The following SRCIN1 variants were observed in gnomAD, a reference collection of about 807,000 sequenced individuals.
SRCIN1 encodes the protein SRC kinase signaling inhibitor 1, also known as P130Cas-associated protein.
Under a neutral mutation model 116.2 loss-of-function variants are expected in SRCIN1, and 50 were observed. That is an observed-to-expected ratio of 0.43 (90% CI 0.34 to 0.54). The LOEUF is 0.54. Among genes scored for constraint, SRCIN1 ranks in the 20% least tolerant of loss-of-function variants. The pLI, the probability that SRCIN1 is intolerant of heterozygous loss-of-function variation, is 0.02. For missense variants in SRCIN1, 1,446 were observed against 1,672.0 expected, an observed-to-expected ratio of 0.86 and a Z score of 2.36; for synonymous variants, 736 against 750.0, an observed-to-expected ratio of 0.98 and a Z score of 0.30.
chr17:38,560,142 C>T (rs930798654), intron 8 of SRCIN1, 45 bp from the exon 9 acceptor site: 8 of 1,508,014 alleles, frequency 5.3e-6, no homozygotes, highest in Non-Finnish European at 7.1e-6. Flanking sequence ...AGGCCAGCCC[C>T]AGACCTTCAG....
At chr17:38,535,077 A>T (rs1174601375) in intron 18 of SRCIN1, among the ~76,000 whole-genome samples, 1 of 152,092 alleles carries the variant, frequency 6.6e-6, no homozygotes, top group African/African-American at 2.4e-5. Flanking sequence ...AGTGGCAGTG[A>T]GCCATGACTG....
chr17:38,581,887 A>G (rs554667401), intron 1 of SRCIN1, among the ~76,000 whole-genome samples: 3 of 152,146 alleles, frequency 2.0e-5, no homozygotes, highest in African/African-American at 7.2e-5. Context: ...GCCTCCCATA[A>G]CCCCTGACCT....
Position 38,563,581 on chromosome 17 carries a change from G to C in SRCIN1, c.542-60C>G, listed in dbSNP as rs1906442718. ...GCCGTCTCCACGCCGCCCTCCAGGAGAGCGCGGGGAGCTTTTCGGAGCTGC... is the reference window on the plus strand; with the variant it reads ...GCCGTCTCCACGCCGCCCTCCAGGACAGCGCGGGGAGCTTTTCGGAGCTGC... On this transcript the variant is annotated intron_variant, in intron 4 of 18. Transcript: ENST00000617146. The surrounding 1 kb of genome is among the most constrained non-coding windows in gnomAD (Gnocchi z 5.8). 6.5e-7 allele frequency: 1 copy of C among 1,534,892 alleles called. No homozygotes were observed. Among genetic ancestry groups the C allele is most frequent in the Non-Finnish European group, 8.7e-7 (1 of 1,144,262 alleles).
In SRCIN1 at chr17:38,568,080, G is replaced by A; in HGVS notation, c.345+131C>T. ...AGCAGCCACAGCCTGCAGCCCCGAG[G>A]CCCACCGCCCATACCAGAAGGTGTC... On this transcript the variant is annotated intron_variant, in intron 3 of 18. Transcript: ENST00000617146. The surrounding 1 kb of genome is among the most constrained non-coding windows in gnomAD (Gnocchi z 4.5). The A allele has an allele frequency of 1.8e-6, 2 of 1,125,338 alleles. No individual in the cohort carries two copies. Among genetic ancestry groups the A allele is most frequent in the South Asian group, 2.6e-5 (2 of 75,602 alleles). The allele number at this position is 1,125,338 out of a possible 1,614,324, so 69.7% of individuals were successfully genotyped here. A position where few individuals can be genotyped will look rare whatever the true frequency, so the allele number is the denominator to read the frequency against.
chr17:38,589,859 C>T (rs1190391231), intron 1 of SRCIN1, among the ~76,000 whole-genome samples: 1 of 152,206 alleles, frequency 6.6e-6, no homozygotes, highest in Admixed American at 6.5e-5. Flanking sequence ...TAGGGACACC[C>T]TGTTAGTATC....
At chr17:38,557,802 T>C (rs933649579) in intron 11 of SRCIN1, among the ~76,000 whole-genome samples, 2 of 152,192 alleles carry the variant, frequency 1.3e-5, no homozygotes, top group African/African-American at 2.4e-5. Context: ...CAATGATGGC[T>C]GGTCAGCGCC....
At chr17:38,553,158 A>T (rs1024658783) in intron 11 of SRCIN1, among the ~76,000 whole-genome samples, 3 of 152,302 alleles carry the variant, frequency 2.0e-5, no homozygotes, top group African/African-American at 7.2e-5. Context: ...CGGGAGGCTA[A>T]GGCAGGGGGA....
At chr17:38,551,787 A>G (rs765505159) in intron 14 of SRCIN1, 99 bp downstream of exon 14, 1 of 1,594,914 alleles carries the variant, frequency 6.3e-7, no homozygotes, top group East Asian at 2.2e-5. Context: ...CCCCAAGGAA[A>G]AAGACCCACA....
At chr17:38,578,120 G>T (rs1907527545) in intron 2 of SRCIN1, among the ~76,000 whole-genome samples, 1 of 152,144 alleles carries the variant, frequency 6.6e-6, no homozygotes, top group South Asian at 2.1e-4. Context: ...CCACAGGATG[G>T]ACTCTCAGGC....
In SRCIN1 at chr17:38,591,509, C is replaced by G. The variant is rs149744520; in HGVS notation, c.23-12718G>C. Among the ~76,000 whole-genome samples the G allele has an allele frequency of 3.3e-4, 51 of 152,330 alleles. 2 individuals carry two copies. In the East Asian group the frequency reaches 6.0e-3, roughly 18 times the overall value. On this transcript the variant is annotated intron_variant, in intron 1 of 18. Coordinates refer to ENST00000617146, the MANE Select transcript of SRCIN1 (RefSeq NM_025248.3). ...AATGGTCCAGATGAGGTATGAGCAG[C>G]ACAGGTGACTCCTCTCTGCTTCTGT...
chr17:38,566,866 T>TTTCCTTCCTTCCTTCC (rs71138633), intron 3 of SRCIN1, among the ~76,000 whole-genome samples: 18,332 of 131,794 alleles, frequency 0.14, 1,547 homozygotes, highest in Admixed American at 0.2. Flanking sequence ...TTTTGTTTCG[T>TTTCCTTCCTTCCTTCC]TTCCTTCCTT....
rs747836308 is a variant in SRCIN1 at position 38,558,335 on chromosome 17, G to A, written c.2093C>T (p.Ser698Leu). 9 of 1,609,690 alleles carry A rather than the reference G, an allele frequency of 5.6e-6. No homozygotes were observed. The highest frequency in any genetic ancestry group is 3.3e-4 in the Middle Eastern group (2 of 6,082). The part of the protein sequence containing the change: ...RTEAELSMRV[S>L]EAARRQEDPL... ...GTCCTCCTGCCGCCGCGCCGCCTCCGACACGCGCATGCTCAGCTCTGCCTC... is the reference window on the plus strand; with the variant it reads ...GTCCTCCTGCCGCCGCGCCGCCTCCAACACGCGCATGCTCAGCTCTGCCTC... The change falls in exon 11 of 19, where the codon TCG becomes TTG. Residue 698 changes from serine to leucine, a missense_variant. Ser to Leu is a moderately radical substitution (Grantham distance 145). Transcript: ENST00000617146. The surrounding 1 kb of genome is among the most constrained non-coding windows in gnomAD (Gnocchi z 4.6).
intron 1 of SRCIN1, among the ~76,000 whole-genome samples, chr17:38,589,243 G>A (rs922719643): frequency 1.3e-5 from 2 of 152,198 alleles, no homozygotes; most frequent in Non-Finnish European, 2.9e-5. Flanking sequence ...ACACCCACAC[G>A]TATTCATGAC....
In SRCIN1 at chr17:38,551,191, C is replaced by T; in HGVS notation, c.2926G>A (p.Ala976Thr). The T allele has an allele frequency of 6.3e-7, 1 of 1,590,774 alleles. No individual in the cohort carries two copies. Among genetic ancestry groups the T allele is most frequent in the Non-Finnish European group, 8.6e-7 (1 of 1,165,752 alleles). Residue 976 changes from alanine (A) to threonine (T), a missense_variant, in exon 15 of 19, where the codon GCC (alanine) becomes ACC (threonine). Transcript: ENST00000617146. ...CTCCCACTGGGCTCCGTTCGGGGGG[C>T]TGCCTTCTGGCCGTGGGGGGCCTTG... ...PPKAPHGQKA[A>T]PRTEPSGRRG...
intron 15 of SRCIN1, among the ~76,000 whole-genome samples, chr17:38,550,352 G>A (rs1905307827): frequency 6.6e-6 from 1 of 151,966 alleles, no homozygotes; most frequent in Non-Finnish European, 1.5e-5. Context: ...AAAATTAGCC[G>A]GGCGTGGTGC....
At position 38,563,782 on chromosome 17, in the gene SRCIN1, G is replaced by A; in HGVS notation, c.542-261C>T. 1.5e-6 allele frequency: 1 copy of A among 665,568 alleles called. No homozygotes were observed. The highest frequency in any genetic ancestry group is 1.6e-5 in the South Asian group (1 of 61,366). 41.2% of individuals were successfully genotyped at this position (665,568 alleles called of 1,614,324 possible). On this transcript the variant is annotated intron_variant, in intron 4 of 18. Coordinates refer to ENST00000617146, the MANE Select transcript of SRCIN1 (RefSeq NM_025248.3). This position sits in a 1 kb window ranked among gnomAD's most constrained non-coding sequence, Gnocchi z 5.8. ...ACAAGGAAATGGAAGTGGGGGCAGA[G>A]CAGGTGGGGCGGAAACTGAGGGGAA...
Position 38,561,829 on chromosome 17 carries a change from G to A in SRCIN1, c.1334C>T (p.Ser445Phe). Residue 445 changes from serine (S) to phenylalanine (F), a missense_variant, in exon 7 of 19, where the codon TCC (serine) becomes TTC (phenylalanine). Ser to Phe is a radical substitution (Grantham distance 155). Transcript: ENST00000617146. ...CTTGTACAGGGAGTCCTCCAGATCG[G>A]ACTGCAGCGCGGCGGCCGAGTAGGT... ...LSTYSAAALQSDLEDSLYKAA... is the reference protein window; with the variant it reads ...LSTYSAAALQFDLEDSLYKAA... The A allele has an allele frequency of 2.7e-6, 4 of 1,478,808 alleles. No individual in the cohort carries two copies. Among genetic ancestry groups the A allele is most frequent in the Admixed American group, 2.5e-5 (1 of 40,532 alleles). The allele number at this position is 1,478,808 out of a possible 1,614,324, so 91.6% of individuals were successfully genotyped here. A position where few individuals can be genotyped will look rare whatever the true frequency, so the allele number is the denominator to read the frequency against.
intron 1 of SRCIN1, among the ~76,000 whole-genome samples, chr17:38,583,895 G>C (rs953851345): frequency 6.6e-6 from 1 of 152,208 alleles, no homozygotes; most frequent in East Asian, 1.9e-4. Flanking sequence ...GAGCAGCGAT[G>C]GGCTTGTAGC....
chr17:38,556,495 G>A (rs1905803337), intron 11 of SRCIN1, among the ~76,000 whole-genome samples: 1 of 152,274 alleles, frequency 6.6e-6, no homozygotes. Flanking sequence ...CAGGAAAGAG[G>A]AAGTGGTATA....
Sources: gnomAD v4.1 joint callset for allele counts (sites outside exome capture counted in the v4.1 genomes callset) on GRCh38, gnomAD v4.1.1 for gene constraint, Gnocchi (gnomAD v3.1) non-coding constraint, MANE v1.5 for transcripts, NCBI Gene and HGNC (gene_info 2026-07-23, HGNC 2026-07-21) for gene names.